Variants in NUP205 observed in about 807,000 individuals in gnomAD.
NUP205 encodes the protein nucleoporin 205.
Under a neutral mutation model 253.8 loss-of-function variants are expected in NUP205, and 76 were observed. The observed-to-expected ratio is 0.30, with a 90% confidence interval of 0.25 to 0.36. The LOEUF (loss-of-function observed/expected upper bound fraction) is 0.36. NUP205 is among the 10% of genes least tolerant of loss of function. The pLI, the probability that NUP205 is intolerant of heterozygous loss-of-function variation, is 1.00. For missense variants in NUP205, 2,162 were observed against 2,425.5 expected (o/e 0.89, Z 2.28); for synonymous variants, 832 against 850.1 (o/e 0.98, Z 0.37).
intron 8 of NUP205, among the ~76,000 whole-genome samples, chr7:135,586,761 C>G (rs1033623713): frequency 6.6e-6 from 1 of 152,174 alleles, no homozygotes; most frequent in African/African-American, 2.4e-5. Flanking sequence ...TAGTTTAATT[C>G]CGTTGTGCTC....
In NUP205 at chr7:135,577,047, G is replaced by C; in HGVS notation, c.567G>C (p.Leu189=). 7 of 1,613,960 alleles carry C rather than the reference G, an allele frequency of 4.3e-6. No individual in the cohort carries two copies. The highest frequency in any genetic ancestry group is 5.9e-6 in the Non-Finnish European group (7 of 1,179,832). The change falls in exon 5 of 43, where the codon CTG becomes CTC. Residue 189 remains leucine, a synonymous_variant. Transcript: ENST00000285968. ...GATTGACTTATAAAGTTCTTACGCT[G>C]GTGTCACAGATTGATGTGAATAATG... ...EQGLTYKVLT[L]VSQIDVNNEF...
intron 11 of NUP205, among the ~76,000 whole-genome samples, chr7:135,591,961 G>A (rs1297388220): frequency 2.0e-5 from 3 of 152,034 alleles, no homozygotes; most frequent in Non-Finnish European, 4.4e-5. Flanking sequence ...TCAGTACTTA[G>A]AATTTTTCTC....
intron 39 of NUP205, among the ~76,000 whole-genome samples, chr7:135,643,586 C>G (rs1794953969): frequency 6.6e-6 from 1 of 152,152 alleles, no homozygotes; most frequent in South Asian, 2.1e-4. Context: ...AATAGAAAGG[C>G]AGCTGGCCTT....
At chr7:135,591,697 C>T (rs1428533971) in intron 11 of NUP205, 97 bp downstream of exon 11, 3 of 1,036,046 alleles carry the variant, frequency 2.9e-6, no homozygotes, top group Non-Finnish European at 4.2e-6. Context: ...GAACTAGGTT[C>T]TACCAGAGGT....
intron 1 of NUP205, among the ~76,000 whole-genome samples, chr7:135,558,503 G>A (rs578037544): frequency 3.2e-4 from 48 of 152,290 alleles, no homozygotes; most frequent in African/African-American, 1.0e-3. Flanking sequence ...CTAACCCTGC[G>A]GATGTGGTTA....
At chr7:135,627,820 G>T (rs73725201) in intron 33 of NUP205, among the ~76,000 whole-genome samples, 153 bp from the exon 34 acceptor site, 5,189 of 152,052 alleles carry the variant, frequency 0.034, 117 homozygotes, top group Middle Eastern at 0.1. Context: ...TCTTTCTCTG[G>T]ACCGCGGATG....
intron 1 of NUP205, among the ~76,000 whole-genome samples, chr7:135,566,666 T>G (rs181670695): frequency 6.6e-6 from 1 of 152,202 alleles, no homozygotes; most frequent in South Asian, 2.1e-4. Flanking sequence ...CTTTCTTTCA[T>G]GTACTCTCAT....
chr7:135,602,835 A>T lies in NUP205; in HGVS notation c.2543A>T (p.His848Leu). The T allele has an allele frequency of 6.2e-7, 1 of 1,613,688 alleles. No individual in the cohort carries two copies. The highest frequency in any genetic ancestry group is 1.7e-4 in the Middle Eastern group (1 of 6,060). ...GKKHLEKAVQ[H>L]CLALLNLTLQ... ...AAACACCTGGAGAAAGCAGTACAGC[A>T]TTGCCTTGCACTTCTCAATCTTACT... The change falls in exon 18 of 43, where the codon CAT (histidine) becomes CTT (leucine). Residue 848 changes from histidine to leucine, a missense_variant. Transcript: ENST00000285968.
intron 7 of NUP205, among the ~76,000 whole-genome samples, chr7:135,583,670 G>C (rs751640849): frequency 6.6e-6 from 1 of 151,960 alleles, no homozygotes; most frequent in Non-Finnish European, 1.5e-5. Context: ...TGAGGCCTGA[G>C]AATTGCTTGA....
chr7:135,619,334 CCT>C, intron 28 of NUP205, 87 bp from the exon 29 acceptor site: 7 of 1,365,788 alleles, frequency 5.1e-6, no homozygotes, highest in Non-Finnish European at 7.1e-6. Context: ...AGAGCGAGAC[CCT>C]GTCTTCAAAA....
chr7:135,605,772 T>C (rs924955903), intron 19 of NUP205, among the ~76,000 whole-genome samples: 4 of 151,816 alleles, frequency 2.6e-5, no homozygotes, highest in African/African-American at 9.7e-5. Flanking sequence ...AGAGAGAAGA[T>C]GAAAATTTTA....
In NUP205 at chr7:135,597,410, G is replaced by A. The variant is rs116883392; in HGVS notation, c.2056G>A (p.Gly686Ser). The A allele has an allele frequency of 1.3e-5, 21 of 1,605,980 alleles. No homozygotes were observed. Among genetic ancestry groups the A allele is most frequent in the Non-Finnish European group, 1.7e-5 (20 of 1,172,724 alleles). Residue 686 changes from glycine (G) to serine (S), a missense_variant, in exon 14 of 43, where the codon GGT (glycine) becomes AGT (serine). By Grantham distance (56) the Gly-to-Ser change is moderately conservative. Coordinates refer to ENST00000285968, the MANE Select transcript of NUP205 (RefSeq NM_015135.3). ...VRIPSQRQAI[G>S]IEVELNEIES... ...GATTCCAAGCCAAAGGCAAGCTATT[G>A]GTATTGAGGTAAAGTTTTCCTTTTA...
At position 135,573,655 on chromosome 7, in the gene NUP205, CA is replaced by C; in HGVS notation, c.179del (p.Asn60MetfsTer70). The C allele has an allele frequency of 6.2e-7, 1 of 1,604,132 alleles. No individual in the cohort carries two copies. Among genetic ancestry groups the C allele is most frequent in the Non-Finnish European group, 8.5e-7 (1 of 1,176,976 alleles). On this transcript the variant is annotated frameshift_variant and splice_region_variant, in exon 3 of 43. Coordinates refer to ENST00000285968, the MANE Select transcript of NUP205 (RefSeq NM_015135.3). LOFTEE classifies it high-confidence loss of function. Reference protein sequence around the residue: ...PDFISLFKNPPKNVQQHEKVQ... With the variant: ...PDFISLFKNPXKNVQQHEKVQ... ...ACAATTACAATTTTATCATTGTAGC[CA>C]AAAAATGTTCAACAGCATGAGAAGG...
At chr7:135,597,153 C>A in intron 13 of NUP205, 1 of 458,110 alleles carries the variant, frequency 2.2e-6, no homozygotes, top group South Asian at 5.0e-5. Flanking sequence ...TTAGAAACTA[C>A]CAATTTTCAG....
intron 38 of NUP205, among the ~76,000 whole-genome samples, chr7:135,640,094 A>G (rs1014911207): frequency 2.0e-5 from 3 of 152,200 alleles, no homozygotes; most frequent in Non-Finnish European, 2.9e-5. Flanking sequence ...GCATTAGGAC[A>G]AATATCTAAT....
intron 10 of NUP205, among the ~76,000 whole-genome samples, chr7:135,589,445 C>A (rs571886431): frequency 8.0e-5 from 12 of 150,910 alleles, no homozygotes; most frequent in Admixed American, 6.6e-4. Flanking sequence ...TGCGCCACCA[C>A]GCCAGGCTAA....
chr7:135,584,804 T>C lies in NUP205; in HGVS notation c.1043-28T>C, dbSNP rs759075854. The C allele has an allele frequency of 1.6e-5, 25 of 1,605,394 alleles. 1 individual carries two copies. In the South Asian group the frequency reaches 2.1e-4, roughly 13 times the overall value. Reference sequence around the variant, plus strand: ...ATCTGGGTTAATGACTTTTCCTCCATGTACTGTGTTTTAAAATCTGTTTCT... The same window carrying C: ...ATCTGGGTTAATGACTTTTCCTCCACGTACTGTGTTTTAAAATCTGTTTCT... On this transcript the variant is annotated intron_variant, in intron 7 of 42. Transcript: ENST00000285968.
intron 1 of NUP205, among the ~76,000 whole-genome samples, chr7:135,560,837 G>A (rs140730246): frequency 6.6e-6 from 1 of 152,260 alleles, no homozygotes; most frequent in Non-Finnish European, 1.5e-5. Context: ...GGGAAAGTGG[G>A]GAGTTGTTTA....
chr7:135,574,837 GC>G (rs1211052272), intron 3 of NUP205, among the ~76,000 whole-genome samples: 2 of 152,136 alleles, frequency 1.3e-5, no homozygotes, highest in Non-Finnish European at 2.9e-5. Flanking sequence ...TAATGGAGGA[GC>G]CATTTGAAGA....
Sources: gnomAD v4.1 joint callset for allele counts (sites outside exome capture counted in the v4.1 genomes callset) on GRCh38, gnomAD v4.1.1 for gene constraint, MANE v1.5 for transcripts, NCBI Gene and HGNC (gene_info 2026-07-23, HGNC 2026-07-21) for gene names.